The following ACTN1 variants were observed in gnomAD, a reference collection of about 807,000 sequenced individuals.
The protein encoded by ACTN1 is alpha-actinin-1.
A neutral mutation model predicts 119.6 loss-of-function variants in ACTN1; 30 were observed. That is an observed-to-expected ratio of 0.25 (90% CI 0.19 to 0.34). The LOEUF is 0.34. Ranked by LOEUF, ACTN1 falls within the 10% of genes least tolerant of loss-of-function variation. ACTN1 has a pLI of 1.00. For missense variants in ACTN1, 764 were observed against 1,223.4 expected (o/e 0.62, Z 5.60); for synonymous variants, 429 against 472.6 (o/e 0.91, Z 1.20).
chr14:68,898,891 T>C (rs1359690122), intron 8 of ACTN1, among the ~76,000 whole-genome samples: 2 of 150,516 alleles, frequency 1.3e-5, no homozygotes, highest in African/African-American at 4.9e-5. Flanking sequence ...GCCATCCACA[T>C]CCCACACACT....
chr14:68,978,690 C>T, intron 1 of ACTN1: 1 of 332,072 alleles, frequency 3.0e-6, no homozygotes, highest in Non-Finnish European at 5.4e-6. Flanking sequence ...GGACCACGGA[C>T]CCCCAAGGAG....
At chr14:68,942,613 T>C (rs960512368) in intron 1 of ACTN1, among the ~76,000 whole-genome samples, 8 of 152,124 alleles carry the variant, frequency 5.3e-5, no homozygotes, top group African/African-American at 1.7e-4. Flanking sequence ...TTACACCTAA[T>C]AGACAGGCAA....
In ACTN1 at chr14:68,912,237, C is replaced by T. The variant is rs1455039528; in HGVS notation, c.346G>A (p.Val116Met). Residue 116 changes from valine to methionine, a missense_variant, in exon 4 of 22, where the codon GTG becomes ATG. By Grantham distance (21) the Val-to-Met change is conservative (BLOSUM62 1). Around this residue, in one of 4 missense-constraint regions of ACTN1, gnomAD observed 54 missense variants for 153.2 expected, o/e 0.35. Transcript: ENST00000394419. ...KLVSIGAEEI[V>M]DGNVKMTLGM... ...AGGGTCATCTTCACATTCCCATCCACGATTTCTACAGAAACAGCAGCAGCA... is the reference window on the plus strand; with the variant it reads ...AGGGTCATCTTCACATTCCCATCCATGATTTCTACAGAAACAGCAGCAGCA... 4.3e-6 allele frequency: 7 copies of T among 1,614,044 alleles called. No homozygotes were observed. The highest frequency in any genetic ancestry group is 5.9e-6 in the Non-Finnish European group (7 of 1,179,938).
chr14:68,900,253 G>A (rs1019535827), intron 8 of ACTN1, among the ~76,000 whole-genome samples: 2 of 152,070 alleles, frequency 1.3e-5, no homozygotes, highest in African/African-American at 4.8e-5. Flanking sequence ...TTTGTTAGAA[G>A]ACATTTTCAC....
At chr14:68,922,604 G>A (rs1388073365) in intron 2 of ACTN1, among the ~76,000 whole-genome samples, 1 of 152,178 alleles carries the variant, frequency 6.6e-6, no homozygotes, top group Non-Finnish European at 1.5e-5. Context: ...TTCAGCAGCT[G>A]TGCACACTGG....
chr14:68,951,358 A>G (rs114332215), intron 1 of ACTN1, among the ~76,000 whole-genome samples: 47 of 152,310 alleles, frequency 3.1e-4, no homozygotes, highest in African/African-American at 1.1e-3. Flanking sequence ...CCACTACAGG[A>G]GAGGAAGCCA....
chr14:68,955,650 G>C (rs2036329765), intron 1 of ACTN1, among the ~76,000 whole-genome samples: 1 of 152,220 alleles, frequency 6.6e-6, no homozygotes, highest in African/African-American at 2.4e-5. Flanking sequence ...CTGCTGAGCA[G>C]GGTGAGAGGG....
intron 1 of ACTN1, chr14:68,977,800 T>TCCC (rs35512297): frequency 0.25 from 82,742 of 334,760 alleles, 6,477 homozygotes; most frequent in East Asian, 0.61. Context: ...CGCCATCCTG[T>TCCC]CCCCCCCCCA....
intron 9 of ACTN1, among the ~76,000 whole-genome samples, chr14:68,893,403 G>A (rs1199496190): frequency 2.6e-5 from 4 of 152,148 alleles, no homozygotes. Context: ...CACTTGACAA[G>A]TGAAAAAAAC....
At chr14:68,905,204 T>G (rs2033594417) in intron 6 of ACTN1, among the ~76,000 whole-genome samples, 1 of 151,786 alleles carries the variant, frequency 6.6e-6, no homozygotes, top group African/African-American at 2.4e-5. Context: ...CAGGAGCCCC[T>G]CTGGTGCTCA....
intron 1 of ACTN1, among the ~76,000 whole-genome samples, chr14:68,938,912 G>GC (rs369973212): frequency 1.7e-4 from 26 of 152,280 alleles, no homozygotes; most frequent in African/African-American, 5.1e-4. Flanking sequence ...AGATGGGGAG[G>GC]GGGGAGTGGA....
At chr14:68,948,786 G>C (rs886822512) in intron 1 of ACTN1, among the ~76,000 whole-genome samples, 1 of 152,120 alleles carries the variant, frequency 6.6e-6, no homozygotes, top group African/African-American at 2.4e-5. Context: ...CCACTACCAG[G>C]CCACAAAGAA....
intron 1 of ACTN1, chr14:68,978,634 G>A (rs2037154211): frequency 3.5e-6 from 1 of 289,326 alleles, no homozygotes; most frequent in Non-Finnish European, 6.5e-6. Flanking sequence ...CACCGCCCCC[G>A]AGCACAGCCC....
chr14:68,878,288 C>A lies in ACTN1; in HGVS notation c.2427+170G>T. 1.0e-6 allele frequency: 1 copy of A among 967,914 alleles called. No individual in the cohort carries two copies. The highest frequency in any genetic ancestry group is 2.0e-5 in the South Asian group (1 of 50,538). The allele number at this position is 967,914 out of a possible 1,614,324, so 60.0% of individuals were successfully genotyped here. ...TCCCGGATACACACACGCCCGTGGC[C>A]GGGCCGGCTTTCAGGGAGCCATCTT... On this transcript the variant is annotated intron_variant, in intron 20 of 21. Transcript: ENST00000394419. This position sits in a 1 kb window ranked among gnomAD's most constrained non-coding sequence, Gnocchi z 4.4.
At chr14:68,900,024 G>T (rs1221500450) in intron 8 of ACTN1, among the ~76,000 whole-genome samples, 1 of 152,126 alleles carries the variant, frequency 6.6e-6, no homozygotes, top group East Asian at 1.9e-4. Flanking sequence ...GGGCTGAGAG[G>T]GGCTGGGCAG....
At chr14:68,961,079 A>G (rs1216449339) in intron 1 of ACTN1, among the ~76,000 whole-genome samples, 1 of 152,182 alleles carries the variant, frequency 6.6e-6, no homozygotes, top group African/African-American at 2.4e-5. Context: ...CTAAAACGAA[A>G]TAACAAAAAA....
chr14:68,923,055 T>G (rs1315356227), intron 2 of ACTN1, among the ~76,000 whole-genome samples: 2 of 152,172 alleles, frequency 1.3e-5, no homozygotes, highest in African/African-American at 2.4e-5. Context: ...TTCACAGAAA[T>G]GCACAGGTCC....
At chr14:68,898,432 T>TGC (rs750145179) in intron 8 of ACTN1, among the ~76,000 whole-genome samples, 9 of 152,222 alleles carry the variant, frequency 5.9e-5, no homozygotes, top group Non-Finnish European at 1.0e-4. Context: ...GCACCACACG[T>TGC]GCACACACAC....
At chr14:68,875,693 C>CCT (rs2030813905) in intron 21 of ACTN1, among the ~76,000 whole-genome samples, 1 of 152,204 alleles carries the variant, frequency 6.6e-6, no homozygotes, top group Non-Finnish European at 1.5e-5. Context: ...TGCACCATGC[C>CCT]CTACCTCTGC....
Sources: allele counts gnomAD v4.1 joint callset (sites outside exome capture counted in the v4.1 genomes callset), GRCh38; gene constraint gnomAD v4.1.1; regional missense constraint gnomAD v4.1.1; non-coding constraint Gnocchi (gnomAD v3.1); transcripts MANE v1.5; gene names NCBI Gene and HGNC (gene_info 2026-07-23, HGNC 2026-07-21).